OSBPL3: variants seen among roughly 807,000 people sequenced by gnomAD.
The protein encoded by OSBPL3 is oxysterol-binding protein-related protein 3.
OSBPL3 carries 65 observed loss-of-function variants against 120.1 expected under a neutral mutation model. That is an observed-to-expected ratio of 0.54 (90% CI 0.44 to 0.67). The LOEUF (loss-of-function observed/expected upper bound fraction) is 0.67. Ranked by LOEUF, OSBPL3 falls within the 30% of genes least tolerant of loss-of-function variation. The pLI, the probability that OSBPL3 is intolerant of heterozygous loss-of-function variation, is 0.00. For missense variants in OSBPL3, 1,004 were observed against 1,082.1 expected (o/e 0.93, Z 1.01); for synonymous variants, 416 against 402.6 (o/e 1.03, Z -0.40).
At chr7:24,941,626 C>T (rs531605141) in intron 1 of OSBPL3, among the ~76,000 whole-genome samples, 4 of 152,110 alleles carry the variant, frequency 2.6e-5, no homozygotes, top group African/African-American at 7.2e-5. Flanking sequence ...ACCTGCATCC[C>T]GTAAGATAGG....
chr7:24,856,691 G>A (rs1229325257), intron 10 of OSBPL3, among the ~76,000 whole-genome samples: 2 of 152,116 alleles, frequency 1.3e-5, no homozygotes, highest in Non-Finnish European at 2.9e-5. Flanking sequence ...CACATCTGAG[G>A]AGCGCTTTAA....
intron 1 of OSBPL3, among the ~76,000 whole-genome samples, chr7:24,973,326 A>T (rs148): frequency 0.32 from 48,151 of 152,076 alleles, 7,845 homozygotes; most frequent in African/African-American, 0.39. Flanking sequence ...TTTATGAAAG[A>T]AATTTGCTTC....
chr7:24,960,902 C>G (rs767826245), intron 1 of OSBPL3, among the ~76,000 whole-genome samples: 2 of 152,136 alleles, frequency 1.3e-5, no homozygotes, highest in South Asian at 2.1e-4. Context: ...TTAATTACAC[C>G]CCTCGATCTT....
In OSBPL3 at chr7:24,841,288, A is replaced by C. The variant is rs879129923; in HGVS notation, c.1402-505T>G. On this transcript the variant is annotated intron_variant, in intron 13 of 22. Transcript: ENST00000313367. ...AATAATGCTATAAACCAATATTACA[A>C]TAACCATATTATCATAAAAATATAA... Among the ~76,000 whole-genome samples, 3 of 138,462 alleles carry C rather than the reference A, an allele frequency of 2.2e-5. No homozygotes were observed. In the Admixed American group the frequency reaches 2.3e-4, roughly 11 times the overall value. The allele number at this position is 138,462 out of a possible 152,430, so 90.8% of individuals were successfully genotyped here. A position where few individuals can be genotyped will look rare whatever the true frequency, so the allele number is the denominator to read the frequency against.
In OSBPL3 at chr7:24,842,262, G is replaced by A. The variant is rs773432175; in HGVS notation, c.1401+17C>T. ...AGAGAGATTTTTGAGGCACCATACT[G>A]TAAACATTGCTCAAACCTCGTTTTC... On this transcript the variant is annotated intron_variant, in intron 13 of 22. Coordinates refer to ENST00000313367, the MANE Select transcript of OSBPL3 (RefSeq NM_015550.4). 5.0e-6 allele frequency: 8 copies of A among 1,611,316 alleles called. No individual in the cohort carries two copies. In the Admixed American group the frequency reaches 1.3e-4, roughly 27 times the overall value.
chr7:24,838,366 C>T (rs955302015), intron 14 of OSBPL3, among the ~76,000 whole-genome samples: 35 of 151,968 alleles, frequency 2.3e-4, no homozygotes, highest in Non-Finnish European at 3.7e-4. Context: ...CATGATGGTG[C>T]GTGCCTGTAA....
intron 2 of OSBPL3, among the ~76,000 whole-genome samples, chr7:24,889,270 G>A (rs932630605): frequency 6.6e-6 from 1 of 152,204 alleles, no homozygotes; most frequent in Non-Finnish European, 1.5e-5. Flanking sequence ...AATGCTGCAT[G>A]ATTTCACTTA....
At chr7:24,904,903 T>C (rs1253147063) in intron 1 of OSBPL3, among the ~76,000 whole-genome samples, 1 of 146,372 alleles carries the variant, frequency 6.8e-6, no homozygotes, top group African/African-American at 2.5e-5. Flanking sequence ...TGAAGTGTTC[T>C]GATCATAATA....
rs997574618 is a variant in OSBPL3, at chr7:24,822,182, T to A, written c.1885-1944A>T. Among the ~76,000 whole-genome samples the A allele has an allele frequency of 2.0e-5, 3 of 152,176 alleles. No homozygotes were observed. Among genetic ancestry groups the A allele is most frequent in the African/African-American group, 4.8e-5 (2 of 41,446 alleles). On this transcript the variant is annotated intron_variant, in intron 16 of 22. Coordinates refer to ENST00000313367, the MANE Select transcript of OSBPL3 (RefSeq NM_015550.4). The surrounding 1 kb of genome is among the most constrained non-coding windows in gnomAD (Gnocchi z 5.8). ...AGCCACCATATCCAGTTATCTTTTT[T>A]AAAAAAATCCTACCACTTGGAGATA...
chr7:24,882,557 T>A (rs1243552354), intron 2 of OSBPL3, among the ~76,000 whole-genome samples: 1 of 152,224 alleles, frequency 6.6e-6, no homozygotes, highest in Non-Finnish European at 1.5e-5. Context: ...GCAATAAACA[T>A]ATGAGTGCAG....
At position 24,831,776 on chromosome 7, in the gene OSBPL3, A is replaced by C. The variant is rs181271864; in HGVS notation, c.1747-871T>G. Among the ~76,000 whole-genome samples, 1,547 of 152,342 alleles carry C rather than the reference A, an allele frequency of 0.01. 14 individuals are homozygous for C. The highest frequency in any genetic ancestry group is 0.016 in the Non-Finnish European group (1,074 of 68,034). ...CGTGCAGTTTCTTATACTGAAGAAG[A>C]GCTGAGTGCCTTTCATAAATGCCCA... is the stretch of plus-strand genomic sequence containing the variant. On this transcript the variant is annotated intron_variant, in intron 15 of 22. Coordinates refer to ENST00000313367, the MANE Select transcript of OSBPL3 (RefSeq NM_015550.4). This position sits in a 1 kb window ranked among gnomAD's most constrained non-coding sequence, Gnocchi z 4.0.
chr7:24,979,760 G>T, intron 1 of OSBPL3, 126 bp downstream of exon 1: 1 of 450,254 alleles, frequency 2.2e-6, no homozygotes, highest in Non-Finnish European at 2.9e-6. Flanking sequence ...CTCCCCGGGC[G>T]ACTCGGACAG....
rs540011187 is a variant in OSBPL3 at position 24,873,819 on chromosome 7, T to A, written c.97-1750A>T. On this transcript the variant is annotated intron_variant, in intron 2 of 22. Coordinates refer to ENST00000313367, the MANE Select transcript of OSBPL3 (RefSeq NM_015550.4). The surrounding 1 kb of genome is among the most constrained non-coding windows in gnomAD (Gnocchi z 4.1). ...ATTTAACACATTTTACCCATCTAAA[T>A]GTTAATGAACCTTTAAGGTTGTCAA... is the stretch of plus-strand genomic sequence containing the variant. Among the ~76,000 whole-genome samples, 60 of 152,312 alleles carry A rather than the reference T, an allele frequency of 3.9e-4. 1 individual carries two copies. The highest frequency in any genetic ancestry group is 1.4e-3 in the African/African-American group (59 of 41,570).
intron 10 of OSBPL3, among the ~76,000 whole-genome samples, chr7:24,853,219 A>G (rs1328583537): frequency 2.6e-5 from 4 of 152,246 alleles, no homozygotes; most frequent in Admixed American, 2.6e-4. Context: ...AAATGTTAAC[A>G]CTACAGCAGA....
chr7:24,968,968 C>T lies in OSBPL3; in HGVS notation c.-150+10918G>A, dbSNP rs956221559. 1.3e-5 allele frequency among the ~76,000 whole-genome samples: 2 copies of T among 152,056 alleles called. No individual in the cohort carries two copies. The highest frequency in any genetic ancestry group is 4.8e-5 in the African/African-American group (2 of 41,380). The stretch of plus-strand genomic sequence containing the variant: ...TCAAATACTCCAAGAAACAATTTTG[C>T]ATATATATCATTTTGTGAATTTTGC... On this transcript the variant is annotated intron_variant, in intron 1 of 22. Coordinates refer to ENST00000313367, the MANE Select transcript of OSBPL3 (RefSeq NM_015550.4). This position sits in a 1 kb window ranked among gnomAD's most constrained non-coding sequence, Gnocchi z 4.6.
intron 1 of OSBPL3, among the ~76,000 whole-genome samples, chr7:24,934,826 AC>A (rs1812204454): frequency 6.6e-6 from 1 of 152,190 alleles, no homozygotes; most frequent in Non-Finnish European, 1.5e-5. Context: ...ACTTTTGGCA[AC>A]AGGCAGATGG....
Position 24,865,376 on chromosome 7 carries a change from T to C in OSBPL3, c.639A>G (p.Leu213=). 1.2e-6 allele frequency: 2 copies of C among 1,613,886 alleles called. No homozygotes were observed. The highest frequency in any genetic ancestry group is 1.7e-6 in the Non-Finnish European group (2 of 1,179,778). The change falls in exon 7 of 23, where the codon TTA becomes TTG. Residue 213 remains leucine (L), a synonymous_variant. Coordinates refer to ENST00000313367, the MANE Select transcript of OSBPL3 (RefSeq NM_015550.4). ...ATTTTTCCATGTCCTCTGAAGACTG[T>C]AACCATAATGGAACTCGTGTCTCAC... is the stretch of plus-strand genomic sequence containing the variant. ...CGGETRVPLW[L]QSSEDMEKCS...
At chr7:24,841,292 C>T (rs566122234) in intron 13 of OSBPL3, among the ~76,000 whole-genome samples, 2 of 129,188 alleles carry the variant, frequency 1.5e-5, no homozygotes, top group Non-Finnish European at 3.3e-5. Flanking sequence ...ATTACAATAA[C>T]CATATTATCA....
chr7:24,814,712 C>T (rs958381138), intron 19 of OSBPL3, among the ~76,000 whole-genome samples: 10 of 152,170 alleles, frequency 6.6e-5, no homozygotes, highest in African/African-American at 2.2e-4. Context: ...ATTCCTCTGG[C>T]GATCTCGCAG....
Sources: gnomAD v4.1 joint callset for allele counts (sites outside exome capture counted in the v4.1 genomes callset) on GRCh38, gnomAD v4.1.1 for gene constraint, Gnocchi (gnomAD v3.1) non-coding constraint, MANE v1.5 for transcripts, NCBI Gene and HGNC (gene_info 2026-07-23, HGNC 2026-07-21) for gene names.